The following GIT1 variants were observed in gnomAD, a reference collection of about 807,000 sequenced individuals.
The protein encoded by GIT1 is GIT ArfGAP 1.
GIT1 carries 14 observed loss-of-function variants against 91.7 expected under a neutral mutation model. The ratio of observed to expected loss-of-function variants is 0.15; its 90% CI spans 0.10 to 0.24. GIT1 has a LOEUF of 0.24. Among genes scored for constraint, GIT1 ranks in the 10% least tolerant of loss-of-function variants. GIT1 has a pLI of 1.00. For synonymous variants in GIT1, 414 were observed against 418.2 expected (o/e 0.99, Z 0.12); for missense variants, 717 against 1,024.9 (o/e 0.70, Z 4.10).
At position 29,576,568 on chromosome 17, in the gene GIT1, T is replaced by G. The variant is rs2033211076; in HGVS notation, c.1334A>C (p.Lys445Thr). The G allele has an allele frequency of 6.2e-7, 1 of 1,614,048 alleles. No homozygotes were observed. The highest frequency in any genetic ancestry group is 8.5e-7 in the Non-Finnish European group (1 of 1,180,006). ...CTCGTCGCTCAGGCTACTGTTGACCTTCATGAGCTGCTGCACCTTTGCCTC... is the reference window on the plus strand; with the variant it reads ...CTCGTCGCTCAGGCTACTGTTGACCGTCATGAGCTGCTGCACCTTTGCCTC... ...TSEAKVQQLM[K>T]VNSSLSDELR... is the part of the protein sequence containing the mutation. Residue 445 changes from lysine to threonine, a missense_variant, in exon 13 of 20, where the codon AAG becomes ACG. By Grantham distance (78) the Lys-to-Thr change is moderately conservative (BLOSUM62 -1). Around this residue, in one of 3 missense-constraint regions of GIT1, gnomAD observed 312 missense variants for 349.5 expected, o/e 0.89. Coordinates refer to ENST00000225394, the MANE Select transcript of GIT1 (RefSeq NM_014030.4).
intron 1 of GIT1, 116 bp from the exon 2 acceptor site, chr17:29,583,732 C>T (rs2033484364): frequency 8.5e-7 from 1 of 1,183,280 alleles, no homozygotes; most frequent in Admixed American, 2.4e-5. Flanking sequence ...ACTCAGTCTC[C>T]AACAGCCTAG....
Position 29,575,467 on chromosome 17 carries a change from C to T in GIT1, c.1830G>A (p.Leu610=). 1 of 1,600,842 alleles carries T rather than the reference C, an allele frequency of 6.2e-7. No homozygotes were observed. Among genetic ancestry groups the T allele is most frequent in the Non-Finnish European group, 8.5e-7 (1 of 1,173,690 alleles). Residue 610 remains leucine (L), a synonymous_variant, in exon 18 of 20, where the codon CTG becomes CTA. Transcript: ENST00000225394. The surrounding 1 kb of genome is among the most constrained non-coding windows in gnomAD (Gnocchi z 5.5). ...NTQSGDPLLG[L]EGKRFLELGK... is the part of the protein sequence containing the mutation. ...CCAGCTCTAGAAACCTCTTCCCTTC[C>T]AGCCTGAGGCCCAGGTCCAGAAAAC...
chr17:29,575,535 G>A lies in GIT1; in HGVS notation c.1827-65C>T. 8 of 1,563,742 alleles carry A rather than the reference G, an allele frequency of 5.1e-6. No individual in the cohort carries two copies. The highest frequency in any genetic ancestry group is 7.0e-6 in the Non-Finnish European group (8 of 1,146,186). ...TAGAGAAAGACACGTTCCAGCCTCG[G>A]AGCCGCCCGCCTTGGTCCTCACACA... On this transcript the variant is annotated intron_variant, in intron 17 of 19. Coordinates refer to ENST00000225394, the MANE Select transcript of GIT1 (RefSeq NM_014030.4). This position sits in a 1 kb window ranked among gnomAD's most constrained non-coding sequence, Gnocchi z 5.5.
chr17:29,578,411 G>A (rs372520106), intron 8 of GIT1, 40 bp from the exon 9 acceptor site: 6 of 1,580,400 alleles, frequency 3.8e-6, no homozygotes, highest in Admixed American at 1.7e-5. Flanking sequence ...CAGATGCATC[G>A]GCTCCCAGTG....
chr17:29,575,116 T>C lies in GIT1; in HGVS notation c.2036A>G (p.His679Arg). 3 of 1,601,578 alleles carry C rather than the reference T, an allele frequency of 1.9e-6. No homozygotes were observed. Among genetic ancestry groups the C allele is most frequent in the Non-Finnish European group, 2.6e-6 (3 of 1,170,630 alleles). The change falls in exon 19 of 20, where the codon CAT becomes CGT. Residue 679 changes from histidine (H) to arginine (R), a missense_variant. Physicochemically the swap from His to Arg is conservative, Grantham distance 29. Coordinates refer to ENST00000225394, the MANE Select transcript of GIT1 (RefSeq NM_014030.4). The surrounding 1 kb of genome is among the most constrained non-coding windows in gnomAD (Gnocchi z 5.5). ...GGAGGCCATCTCGGTCACAGCCAAA[T>C]GGATCTTCTCTGAGCAGGGCACGAA... ...DSFVPCSEKI[H>R]LAVTEMASLF...
At position 29,574,980 on chromosome 17, in the gene GIT1, T is replaced by G. The variant is rs751987502; in HGVS notation, c.2074-66A>C. 4 of 1,490,598 alleles carry G rather than the reference T, an allele frequency of 2.7e-6. No individual in the cohort carries two copies. In the Admixed American group the frequency reaches 5.7e-5, roughly 21 times the overall value. The allele number at this position is 1,490,598 out of a possible 1,614,324, so 92.3% of individuals were successfully genotyped here. ...CCACCAGCTGAGATCAGGGCCCAGT[T>G]TGTCTGTGTCTCCACCCAGGTAGCG... On this transcript the variant is annotated intron_variant, in intron 19 of 19. Transcript: ENST00000225394.
At chr17:29,586,239 A>G (rs2033591155) in intron 1 of GIT1, among the ~76,000 whole-genome samples, 1 of 152,244 alleles carries the variant, frequency 6.6e-6, no homozygotes, top group Non-Finnish European at 1.5e-5. Context: ...CGGCCCAGGC[A>G]GCTTTGAATG....
intron 7 of GIT1, 124 bp from the exon 8 acceptor site, chr17:29,578,903 C>T (rs1463077456): frequency 6.3e-7 from 1 of 1,590,442 alleles, no homozygotes; most frequent in South Asian, 1.1e-5. Flanking sequence ...TGCTGCACAC[C>T]AAATGCCTCC....
In GIT1 at chr17:29,581,061, G is replaced by A. The variant is rs1468869587; in HGVS notation, c.761+277C>T. On this transcript the variant is annotated intron_variant, in intron 7 of 19. Transcript: ENST00000225394. The surrounding 1 kb of genome is among the most constrained non-coding windows in gnomAD (Gnocchi z 4.8). ...CCCAAAGTGCTGGGATTACAGGCGT[G>A]AGCCACCGCGCCCGGCCCACAGGTA... 2.0e-6 allele frequency: 1 copy of A among 491,420 alleles called. No individual in the cohort carries two copies. The highest frequency in any genetic ancestry group is 2.3e-5 in the South Asian group (1 of 42,616). 30.4% of individuals were successfully genotyped at this position (491,420 alleles called of 1,614,324 possible).
In GIT1 at chr17:29,578,326, C is replaced by T; in HGVS notation, c.856G>A (p.Glu286Lys). The change falls in exon 9 of 20, where the codon GAG becomes AAG. Residue 286 changes from glutamate to lysine, a missense_variant. Glu to Lys is a moderately conservative substitution (Grantham distance 56, BLOSUM62 1). This residue lies in a region of GIT1 where 271 missense variants were observed against 451.6 expected (regional missense o/e 0.60). Transcript: ENST00000225394. Reference protein sequence around the residue: ...FEELAMDVYDEVDRRENDAVW... With the variant: ...FEELAMDVYDKVDRRENDAVW... Reference sequence around the variant, plus strand: ...GCATCATTTTCTCTTCGATCCACCTCGTCATACACGTCCATGGCGAGTTCC... The same window carrying T: ...GCATCATTTTCTCTTCGATCCACCTTGTCATACACGTCCATGGCGAGTTCC... 1 of 1,614,054 alleles carries T rather than the reference C, an allele frequency of 6.2e-7. No individual in the cohort carries two copies. The highest frequency in any genetic ancestry group is 8.5e-7 in the Non-Finnish European group (1 of 1,179,942).
chr17:29,581,917 C>A lies in GIT1; in HGVS notation c.623+10G>T. The A allele has an allele frequency of 6.2e-7, 1 of 1,612,502 alleles. No homozygotes were observed. The highest frequency in any genetic ancestry group is 8.5e-7 in the Non-Finnish European group (1 of 1,179,678). On this transcript the variant is annotated intron_variant, in intron 5 of 19. Transcript: ENST00000225394. This position sits in a 1 kb window ranked among gnomAD's most constrained non-coding sequence, Gnocchi z 4.8. ...ACCCACCCACACTGCACCCTTCAGC[C>A]GACCCTCACCTGGCATAGTCAATGG...
chr17:29,576,441 G>A lies in GIT1; in HGVS notation c.1390C>T (p.Leu464=), dbSNP rs1371353324. Residue 464 remains leucine (L), a synonymous_variant, in exon 14 of 20, where the codon CTG becomes TTG. Coordinates refer to ENST00000225394, the MANE Select transcript of GIT1 (RefSeq NM_014030.4). ...LRRLQREIHK[L]QAENLQLRQP... is the part of the protein sequence containing the mutation. The stretch of plus-strand genomic sequence containing the variant: ...CGGAGCTGCAGGTTCTCCGCCTGCA[G>A]CTTGTGGATCTATGGGTGCAAAGTG... 2 of 1,612,652 alleles carry A rather than the reference G, an allele frequency of 1.2e-6. No homozygotes were observed. Among genetic ancestry groups the A allele is most frequent in the Non-Finnish European group, 1.7e-6 (2 of 1,179,470 alleles).
chr17:29,574,403 T>C lies in GIT1; in HGVS notation c.*299A>G, dbSNP rs2033106716. On this transcript the variant is annotated 3_prime_UTR_variant, in exon 20 of 20. Coordinates refer to ENST00000225394, the MANE Select transcript of GIT1 (RefSeq NM_014030.4). ...ACCTGCCCCTTTGCTGAGGGTGCCC[T>C]AGAAGGCGAGGGGCTGGGAGTGATG... 2 of 423,064 alleles carry C rather than the reference T, an allele frequency of 4.7e-6. No individual in the cohort carries two copies. Among genetic ancestry groups the C allele is most frequent in the Non-Finnish European group, 8.7e-6 (2 of 229,350 alleles). 26.2% of individuals were successfully genotyped at this position (423,064 alleles called of 1,614,324 possible). A position where few individuals can be genotyped will look rare whatever the true frequency, so the allele number is the denominator to read the frequency against.
chr17:29,578,400 T>G (rs754183221), intron 8 of GIT1, 29 bp from the exon 9 acceptor site: 1 of 1,605,452 alleles, frequency 6.2e-7, no homozygotes, highest in South Asian at 1.1e-5. Context: ...CCAGATGTTG[T>G]CAGATGCATC....
Position 29,577,670 on chromosome 17 carries a change from G to A in GIT1, c.956C>T (p.Pro319Leu). 1.9e-6 allele frequency: 3 copies of A among 1,611,874 alleles called. No individual in the cohort carries two copies. Among genetic ancestry groups the A allele is most frequent in the African/African-American group, 1.3e-5 (1 of 75,016 alleles). ...CTGATTCCGCGTGGCTGAGTATTCC[G>A]GGTTAACAGGCAGGAAGGGCACGGC... ...RSAVPFLPVN[P>L]EYSATRNQGR... Residue 319 changes from proline to leucine, a missense_variant, in exon 10 of 20, where the codon CCG (proline) becomes CTG (leucine). Around this residue, in one of 3 missense-constraint regions of GIT1, gnomAD observed 271 missense variants for 451.6 expected, o/e 0.60. Transcript: ENST00000225394.
In GIT1 at chr17:29,581,015, G is replaced by C. The variant is rs1353865986; in HGVS notation, c.761+323C>G. On this transcript the variant is annotated intron_variant, in intron 7 of 19. Transcript: ENST00000225394. This position sits in a 1 kb window ranked among gnomAD's most constrained non-coding sequence, Gnocchi z 4.8. Reference sequence around the variant, plus strand: ...GCTAGTCTTGAACTCCCGACCTCAGGTGATCCGCCCGCCTCGGCCTCCCAA... The same window carrying C: ...GCTAGTCTTGAACTCCCGACCTCAGCTGATCCGCCCGCCTCGGCCTCCCAA... The C allele has an allele frequency of 1.4e-5, 5 of 344,926 alleles. No homozygotes were observed. In the East Asian group the frequency reaches 2.8e-4, roughly 20 times the overall value. The allele number at this position is 344,926 out of a possible 1,614,324, so 21.4% of individuals were successfully genotyped here. A position where few individuals can be genotyped will look rare whatever the true frequency, so the allele number is the denominator to read the frequency against.
chr17:29,587,439 T>A (rs1408197652), intron 1 of GIT1, among the ~76,000 whole-genome samples: 1 of 152,142 alleles, frequency 6.6e-6, no homozygotes, highest in Non-Finnish European at 1.5e-5. Flanking sequence ...ACCTCTATTG[T>A]GAATCAGGGG....
chr17:29,588,235 CA>C (rs2033663481), intron 1 of GIT1, among the ~76,000 whole-genome samples: 1 of 152,200 alleles, frequency 6.6e-6, no homozygotes, highest in Non-Finnish European at 1.5e-5. Flanking sequence ...CGCTAGAGTT[CA>C]CGGACCTCCG....
Position 29,576,232 on chromosome 17 carries a change from A to T in GIT1, c.1599T>A (p.Pro533=). The stretch of plus-strand genomic sequence containing the variant: ...ATAGGTGACTCACAGTGCTGTGGAA[A>T]GGCTGCAGCCGCGTAGTGAGCTCGT... ...PGDELTTRLQ[P]FHSTELEDDA... The change falls in exon 14 of 20, where the codon CCT becomes CCA. Residue 533 remains proline (P), a synonymous_variant. Transcript: ENST00000225394. 6.2e-7 allele frequency: 1 copy of T among 1,607,914 alleles called. No homozygotes were observed. The highest frequency in any genetic ancestry group is 2.2e-5 in the East Asian group (1 of 44,684).
Sources: gnomAD v4.1 joint callset for allele counts (sites outside exome capture counted in the v4.1 genomes callset) on GRCh38, gnomAD v4.1.1 for gene constraint, gnomAD v4.1.1 regional missense constraint, Gnocchi (gnomAD v3.1) non-coding constraint, MANE v1.5 for transcripts, NCBI Gene and HGNC (gene_info 2026-07-23, HGNC 2026-07-21) for gene names.